Variants in SLC66A3 observed in about 807,000 individuals in gnomAD.
SLC66A3 encodes PQ loop repeat containing 3.
A neutral mutation model predicts 25.5 loss-of-function variants in SLC66A3; 23 were observed. That is an observed-to-expected ratio of 0.90 (90% CI 0.65 to 1.28). SLC66A3 has a LOEUF of 1.28. Among genes scored for constraint, SLC66A3 ranks in the 50% most tolerant of loss-of-function variants. SLC66A3 has a pLI of 0.00. For synonymous variants in SLC66A3, 108 were observed against 112.6 expected, an observed-to-expected ratio of 0.96 and a Z score of 0.26; for missense variants, 246 against 262.1, an observed-to-expected ratio of 0.94 and a Z score of 0.42.
intron 1 of SLC66A3, 89 bp downstream of exon 1, chr2:11,155,778 C>T (rs546018641): frequency 2.5e-6 from 3 of 1,198,822 alleles, no homozygotes; most frequent in Non-Finnish European, 3.2e-6. Flanking sequence ...CGAAGTAGGG[C>T]GGGGATGATC....
At chr2:11,159,564 T>C in intron 1 of SLC66A3, among the ~76,000 whole-genome samples, 1 of 152,168 alleles carries the variant, frequency 6.6e-6, no homozygotes, top group East Asian at 1.9e-4. Context: ...GCACAGCCTG[T>C]TTGTGAATCG....
intron 3 of SLC66A3, 142 bp from the exon 4 acceptor site, chr2:11,164,062 G>C (rs1047871990): frequency 1.8e-6 from 1 of 543,564 alleles, no homozygotes; most frequent in African/African-American, 2.1e-5. Flanking sequence ...TTCCAAATCC[G>C]GCAGGTTCTG....
chr2:11,161,572 G>A (rs1288722356), intron 3 of SLC66A3, among the ~76,000 whole-genome samples: 3 of 152,218 alleles, frequency 2.0e-5, no homozygotes, highest in South Asian at 4.2e-4. Context: ...AGGCTGGAGT[G>A]CAGTGGCTGG....
At chr2:11,160,600 C>A (rs767399044) in intron 2 of SLC66A3, 25 bp from the exon 3 acceptor site, 1 of 1,614,180 alleles carries the variant, frequency 6.2e-7, no homozygotes, top group Admixed American at 1.7e-5. Context: ...CCCTTCCCCC[C>A]TCACTCGGAG....
chr2:11,163,125 C>T (rs1234124217), intron 3 of SLC66A3, among the ~76,000 whole-genome samples: 1 of 152,164 alleles, frequency 6.6e-6, no homozygotes, highest in Non-Finnish European at 1.5e-5. Context: ...TCATACCTGT[C>T]ATCCCAGCTA....
chr2:11,162,895 C>T (rs190266802), intron 3 of SLC66A3, among the ~76,000 whole-genome samples: 17 of 152,298 alleles, frequency 1.1e-4, no homozygotes, highest in African/African-American at 2.6e-4. Context: ...CGTGAGCCAC[C>T]GTGCCCGGCC....
intron 6 of SLC66A3, among the ~76,000 whole-genome samples, chr2:11,176,486 G>A (rs903276910): frequency 3.3e-5 from 5 of 150,202 alleles, no homozygotes; most frequent in African/African-American, 1.2e-4. Context: ...AAAGTGCTGG[G>A]ATTACAGGCG....
intron 3 of SLC66A3, among the ~76,000 whole-genome samples, chr2:11,162,089 C>T (rs962891448): frequency 3.9e-5 from 6 of 152,290 alleles, no homozygotes; most frequent in African/African-American, 1.4e-4. Context: ...ATCATAATGC[C>T]TATGTTTTAG....
Position 11,155,541 on chromosome 2 carries a change from G to A in SLC66A3, c.-6G>A, listed in dbSNP as rs757635644. 6.0e-6 allele frequency: 9 copies of A among 1,492,200 alleles called. No individual in the cohort carries two copies. Among genetic ancestry groups the A allele is most frequent in the Middle Eastern group, 2.3e-4 (1 of 4,274 alleles). The allele number at this position is 1,492,200 out of a possible 1,614,324, so 92.4% of individuals were successfully genotyped here. Reference sequence around the variant, plus strand: ...CGGCCGCCCAGGTGCCCGCGCCCGTGGCGCTATGGAGGCGGCGCTGCTGGG... The same window carrying A: ...CGGCCGCCCAGGTGCCCGCGCCCGTAGCGCTATGGAGGCGGCGCTGCTGGG... On this transcript the variant is annotated 5_prime_UTR_variant, in exon 1 of 7. Coordinates refer to ENST00000295083, the MANE Select transcript of SLC66A3 (RefSeq NM_152391.5).
At chr2:11,177,456 CAA>C (rs371498449) in intron 6 of SLC66A3, among the ~76,000 whole-genome samples, 17 of 107,028 alleles carry the variant, frequency 1.6e-4, no homozygotes, top group Admixed American at 2.9e-4. Flanking sequence ...AAGACTGTCT[CAA>C]AAAAAAAAAA....
intron 4 of SLC66A3, among the ~76,000 whole-genome samples, chr2:11,168,082 C>T (rs1662411256): frequency 6.6e-6 from 1 of 152,086 alleles, no homozygotes; most frequent in Non-Finnish European, 1.5e-5. Flanking sequence ...AGATCAAGAC[C>T]ATCCTGGCTA....
chr2:11,167,041 A>G (rs1282700241), intron 4 of SLC66A3, among the ~76,000 whole-genome samples: 1 of 152,234 alleles, frequency 6.6e-6, no homozygotes, highest in Non-Finnish European at 1.5e-5. Flanking sequence ...TGTTCTCAGT[A>G]GGTCTTACTA....
chr2:11,162,365 GT>G (rs766644602), intron 3 of SLC66A3, among the ~76,000 whole-genome samples: 16 of 152,210 alleles, frequency 1.1e-4, no homozygotes, highest in Non-Finnish European at 2.2e-4. Context: ...TTGGTAAACA[GT>G]ACTTTGAAGA....
chr2:11,170,357 G>C (rs1662505319), intron 4 of SLC66A3, among the ~76,000 whole-genome samples: 1 of 152,186 alleles, frequency 6.6e-6, no homozygotes, highest in African/African-American at 2.4e-5. Flanking sequence ...CTGCTGAAGA[G>C]GCTGATGCTG....
chr2:11,171,930 A>G lies in SLC66A3; in HGVS notation c.360A>G (p.Leu120=), dbSNP rs1447313793. The G allele has an allele frequency of 3.7e-6, 6 of 1,613,878 alleles. No individual in the cohort carries two copies. The South Asian group carries it at 5.5e-5, about 15-fold the overall frequency. The change falls in exon 5 of 7, where the codon CTA becomes CTG. Residue 120 remains leucine (L), a synonymous_variant. Coordinates refer to ENST00000295083, the MANE Select transcript of SLC66A3 (RefSeq NM_152391.5). The stretch of plus-strand genomic sequence containing the variant: ...CACATTTTATCTGCAAACAGAATCT[A>G]TGTACTTTCATCAGCGCGGCCAGTA... The part of the protein sequence containing the change: ...QKWIIDLAMN[L]CTFISAASKF...
At chr2:11,156,542 G>A (rs932588308) in intron 1 of SLC66A3, among the ~76,000 whole-genome samples, 1 of 152,172 alleles carries the variant, frequency 6.6e-6, no homozygotes, top group Admixed American at 6.5e-5. Flanking sequence ...GCGGGGTGGG[G>A]GGTGCGGCAT....
chr2:11,157,839 C>A (rs768696798), intron 1 of SLC66A3, among the ~76,000 whole-genome samples: 1 of 152,216 alleles, frequency 6.6e-6, no homozygotes, highest in East Asian at 1.9e-4. Context: ...TCGCAAGTTC[C>A]CAACCTTGCT....
Position 11,178,820 on chromosome 2 carries a change from ATTG to A in SLC66A3, c.*995_*997del, listed in dbSNP as rs1181562574. The A allele has an allele frequency of 3.9e-5, 6 of 152,240 alleles. No individual in the cohort carries two copies. Among genetic ancestry groups the A allele is most frequent in the African/African-American group, 1.4e-4 (6 of 41,530 alleles). 9.4% of individuals were successfully genotyped at this position (152,240 alleles called of 1,614,324 possible). A position where few individuals can be genotyped will look rare whatever the true frequency, so the allele number is the denominator to read the frequency against. ...GCAGTAATGATGTTTACCAGAGATT[ATTG>A]TTTCCTATGCAAAATAAATTTTCAT... On this transcript the variant is annotated 3_prime_UTR_variant, in exon 7 of 7. Coordinates refer to ENST00000295083, the MANE Select transcript of SLC66A3 (RefSeq NM_152391.5).
chr2:11,159,398 C>G (rs1183738720), intron 1 of SLC66A3, among the ~76,000 whole-genome samples: 1 of 152,184 alleles, frequency 6.6e-6, no homozygotes, highest in African/African-American at 2.4e-5. Context: ...CCCGGAGGGC[C>G]TGCAGGCAGC....
Sources: gnomAD v4.1 joint callset for allele counts (sites outside exome capture counted in the v4.1 genomes callset) on GRCh38, gnomAD v4.1.1 for gene constraint, MANE v1.5 for transcripts, NCBI Gene and HGNC (gene_info 2026-07-23, HGNC 2026-07-21) for gene names.